The following NDST3 variants were observed in gnomAD, a reference collection of about 807,000 sequenced individuals.
NDST3 encodes the protein bifunctional heparan sulfate N-deacetylase/N-sulfotransferase 3.
A neutral mutation model predicts 96.1 loss-of-function variants in NDST3; 58 were observed. The ratio of observed to expected loss-of-function variants is 0.60; its 90% CI spans 0.49 to 0.75. The LOEUF (loss-of-function observed/expected upper bound fraction) is 0.75. Ranked by LOEUF, NDST3 falls within the 30% of genes least tolerant of loss-of-function variation. The pLI, the probability that NDST3 is intolerant of heterozygous loss-of-function variation, is 0.00. For missense variants in NDST3, 788 were observed against 1,034.2 expected, an observed-to-expected ratio of 0.76 and a Z score of 3.27; for synonymous variants, 333 against 359.7, an observed-to-expected ratio of 0.93 and a Z score of 0.84.
intron 6 of NDST3, among the ~76,000 whole-genome samples, chr4:118,209,427 C>A (rs1738646471): frequency 6.6e-6 from 1 of 152,102 alleles, no homozygotes; most frequent in Non-Finnish European, 1.5e-5. Flanking sequence ...ATACACAATT[C>A]AAAATTAATC....
chr4:118,240,909 C>T (rs551098477), intron 11 of NDST3, among the ~76,000 whole-genome samples: 3 of 152,138 alleles, frequency 2.0e-5, no homozygotes, highest in Non-Finnish European at 4.4e-5. Context: ...ATTTGCTGTG[C>T]GTACCTTTCC....
At position 118,153,543 on chromosome 4, in the gene NDST3, C is replaced by T. The variant is rs75003016; in HGVS notation, c.1539+9859C>T. The stretch of plus-strand genomic sequence containing the variant: ...AAAACATGTTGTGTAATAAGTTTGG[C>T]TGGGTGTGGTGGCTCATGCCTTTAA... On this transcript the variant is annotated intron_variant, in intron 6 of 13. Transcript: ENST00000296499. 2.8e-3 allele frequency among the ~76,000 whole-genome samples: 423 copies of T among 152,220 alleles called. 2 individuals carry two copies. Among genetic ancestry groups the T allele is most frequent in the African/African-American group, 9.7e-3 (402 of 41,532 alleles).
intron 2 of NDST3, among the ~76,000 whole-genome samples, chr4:118,063,569 G>A (rs1302157872): frequency 6.6e-6 from 1 of 152,064 alleles, no homozygotes; most frequent in East Asian, 1.9e-4. Flanking sequence ...AAATCAGCAT[G>A]TAAAAAATCT....
chr4:118,044,298 C>T (rs76520151), intron 1 of NDST3, among the ~76,000 whole-genome samples: 8,056 of 152,194 alleles, frequency 0.053, 331 homozygotes, highest in Middle Eastern at 0.085. Context: ...ACTGTAAAAG[C>T]GCAATTACTT....
intron 6 of NDST3, among the ~76,000 whole-genome samples, chr4:118,167,699 T>C (rs972928940): frequency 1.3e-5 from 2 of 151,922 alleles, no homozygotes; most frequent in African/African-American, 4.8e-5. Context: ...TATGGTGATG[T>C]TACAAAGATA....
At chr4:118,084,055 G>T (rs1034462979) in intron 2 of NDST3, among the ~76,000 whole-genome samples, 1 of 151,966 alleles carries the variant, frequency 6.6e-6, no homozygotes, top group African/African-American at 2.4e-5. Flanking sequence ...CTTCATTTTT[G>T]ACCTTTTTTG....
chr4:118,048,586 T>G (rs1334167631), intron 1 of NDST3, among the ~76,000 whole-genome samples: 1 of 152,072 alleles, frequency 6.6e-6, no homozygotes, highest in Admixed American at 6.6e-5. Flanking sequence ...ATTCTTATAT[T>G]AGATAAAACA....
intron 1 of NDST3, among the ~76,000 whole-genome samples, chr4:118,042,553 C>T (rs184106563): frequency 6.6e-6 from 1 of 152,188 alleles, no homozygotes; most frequent in Non-Finnish European, 1.5e-5. Flanking sequence ...TTCAAATGCA[C>T]CCAATGCTCT....
intron 2 of NDST3, among the ~76,000 whole-genome samples, chr4:118,101,090 A>G (rs1402488722): frequency 6.6e-6 from 1 of 152,146 alleles, no homozygotes; most frequent in African/African-American, 2.4e-5. Flanking sequence ...AGCATAAATA[A>G]GAAACAAAAA....
At chr4:118,039,298 GTT>G (rs1467239092) in intron 1 of NDST3, among the ~76,000 whole-genome samples, 1 of 152,194 alleles carries the variant, frequency 6.6e-6, no homozygotes, top group African/African-American at 2.4e-5. Flanking sequence ...TGCCTTGACT[GTT>G]TGAGGCCAGT....
At chr4:118,059,504 CTG>C (rs1334219734) in intron 2 of NDST3, among the ~76,000 whole-genome samples, 4 of 151,980 alleles carry the variant, frequency 2.6e-5, no homozygotes, top group Non-Finnish European at 4.4e-5. Context: ...AGCTAGAAAA[CTG>C]TGAAAAATAA....
At position 118,226,881 on chromosome 4, in the gene NDST3, T is replaced by C. The variant is rs1739916540; in HGVS notation, c.1723-5T>C. ...AATACATCTCTATGTTCTTCTCCCA[T>C]TTAGAATCCTTGCGATGACAAACGC... On this transcript the variant is annotated splice_polypyrimidine_tract_variant and splice_region_variant and intron_variant, in intron 7 of 13. Coordinates refer to ENST00000296499, the MANE Select transcript of NDST3 (RefSeq NM_004784.3). 1 of 1,603,772 alleles carries C rather than the reference T, an allele frequency of 6.2e-7. No homozygotes were observed. The highest frequency in any genetic ancestry group is 8.5e-7 in the Non-Finnish European group (1 of 1,174,130).
intron 6 of NDST3, among the ~76,000 whole-genome samples, chr4:118,145,697 G>C (rs142301877): frequency 6.6e-6 from 1 of 152,118 alleles, no homozygotes; most frequent in Non-Finnish European, 1.5e-5. Flanking sequence ...TTTATGTCTT[G>C]AGGAGGAGAT....
chr4:118,246,984 C>A (rs1020127578), intron 12 of NDST3, among the ~76,000 whole-genome samples: 1 of 152,040 alleles, frequency 6.6e-6, no homozygotes, highest in Non-Finnish European at 1.5e-5. Context: ...TAATATATGG[C>A]CACTTTGGAA....
intron 2 of NDST3, among the ~76,000 whole-genome samples, chr4:118,093,895 T>G (rs1192402314): frequency 6.6e-6 from 1 of 151,826 alleles, no homozygotes; most frequent in Admixed American, 6.6e-5. Context: ...CAGTGTCTAG[T>G]AAGGGTTAAG....
At chr4:118,251,278 C>T (rs1279946822) in intron 12 of NDST3, among the ~76,000 whole-genome samples, 1 of 151,084 alleles carries the variant, frequency 6.6e-6, no homozygotes, top group African/African-American at 2.4e-5. Context: ...AGGCGCCTGC[C>T]ACCACGCCCG....
At chr4:118,240,822 C>T (rs1298915270) in intron 11 of NDST3, 128 bp downstream of exon 11, 1 of 828,198 alleles carries the variant, frequency 1.2e-6, no homozygotes, top group African/African-American at 1.7e-5. Flanking sequence ...AATAATGAGG[C>T]TATGGCAAAG....
chr4:118,041,467 CCTAA>C (rs368968808), intron 1 of NDST3, among the ~76,000 whole-genome samples: 451 of 152,280 alleles, frequency 3.0e-3, no homozygotes, highest in African/African-American at 4.2e-3. Context: ...CTTTCTCGAA[CCTAA>C]CTATTTCAGA....
chr4:118,114,065 AAAC>A (rs2125863940), intron 3 of NDST3, among the ~76,000 whole-genome samples: 1 of 152,110 alleles, frequency 6.6e-6, no homozygotes, highest in Admixed American at 6.6e-5. Context: ...AACCACCAAG[AAAC>A]AACAACAGGG....
Sources: allele counts gnomAD v4.1 joint callset (sites outside exome capture counted in the v4.1 genomes callset), GRCh38; gene constraint gnomAD v4.1.1; transcripts MANE v1.5; gene names NCBI Gene and HGNC (gene_info 2026-07-23, HGNC 2026-07-21).